ATG10: variants seen among roughly 807,000 people sequenced by gnomAD.
ATG10 encodes ubiquitin-like-conjugating enzyme ATG10.
ATG10 carries 30 observed loss-of-function variants against 32.1 expected under a neutral mutation model. The observed-to-expected ratio is 0.94, with a 90% CI of 0.70 to 1.27. The LOEUF (loss-of-function observed/expected upper bound fraction) is 1.27. Among genes scored for constraint, ATG10 ranks in the 50% most tolerant of loss-of-function variants. The pLI is 0.00. For missense variants in ATG10, 233 were observed against 262.3 expected, an observed-to-expected ratio of 0.89 and a Z score of 0.77; for synonymous variants, 87 against 91.5, an observed-to-expected ratio of 0.95 and a Z score of 0.28.
intron 3 of ATG10, among the ~76,000 whole-genome samples, chr5:82,127,407 C>T (rs188170882): frequency 4.6e-5 from 7 of 152,196 alleles, no homozygotes; most frequent in African/African-American, 1.2e-4. Flanking sequence ...CCTGCTTCCT[C>T]CTGTGGGCAT....
chr5:82,178,968 A>G (rs1051485942), intron 5 of ATG10, among the ~76,000 whole-genome samples: 1 of 152,152 alleles, frequency 6.6e-6, no homozygotes, highest in Non-Finnish European at 1.5e-5. Context: ...TGCATTTCAT[A>G]CACCTAATCT....
At chr5:82,112,485 A>G (rs1303314769) in intron 3 of ATG10, among the ~76,000 whole-genome samples, 1 of 151,874 alleles carries the variant, frequency 6.6e-6, no homozygotes, top group African/African-American at 2.4e-5. Context: ...TATTTTGTAT[A>G]TCTCATAAAT....
chr5:82,226,098 A>G (rs1163397141), intron 5 of ATG10, among the ~76,000 whole-genome samples: 1 of 152,200 alleles, frequency 6.6e-6, no homozygotes, highest in Admixed American at 6.5e-5. Flanking sequence ...TGGTTTTTAT[A>G]ACAGGCAGTT....
At chr5:82,095,105 A>G (rs1415088272) in intron 3 of ATG10, among the ~76,000 whole-genome samples, 1 of 152,162 alleles carries the variant, frequency 6.6e-6, no homozygotes, top group Non-Finnish European at 1.5e-5. Context: ...CTACATTTTT[A>G]AAATGAAGAT....
chr5:81,973,795 G>A (rs527529070), intron 1 of ATG10, among the ~76,000 whole-genome samples: 4 of 152,248 alleles, frequency 2.6e-5, no homozygotes, highest in African/African-American at 9.6e-5. Context: ...TGAGTATTGA[G>A]AAATTAAAAT....
At chr5:82,062,139 A>G (rs1442038007) in intron 3 of ATG10, among the ~76,000 whole-genome samples, 2 of 152,104 alleles carry the variant, frequency 1.3e-5, no homozygotes, top group African/African-American at 4.8e-5. Context: ...CTGAATTCTA[A>G]AAGAGTTTAT....
At chr5:82,247,207 A>G (rs1162514893) in intron 5 of ATG10, among the ~76,000 whole-genome samples, 1 of 152,158 alleles carries the variant, frequency 6.6e-6, no homozygotes, top group African/African-American at 2.4e-5. Context: ...ATTTTTAGCC[A>G]ATATTTCTTC....
At chr5:82,184,904 T>C (rs973649916) in intron 5 of ATG10, among the ~76,000 whole-genome samples, 2 of 152,354 alleles carry the variant, frequency 1.3e-5, no homozygotes, top group African/African-American at 4.8e-5. Context: ...ATCAGGTGGC[T>C]GTCTGCAGTC....
chr5:82,010,207 G>A (rs1762092081), intron 2 of ATG10: 1 of 834,306 alleles, frequency 1.2e-6, no homozygotes. Context: ...TTCTGATTAT[G>A]AATATCTGTA....
chr5:82,110,964 G>A (rs1477869458), intron 3 of ATG10, among the ~76,000 whole-genome samples: 1 of 151,868 alleles, frequency 6.6e-6, no homozygotes, highest in African/African-American at 2.4e-5. Context: ...TAGTAGATAT[G>A]GTAGAAGATC....
chr5:82,012,190 C>T (rs1428595249), intron 2 of ATG10, among the ~76,000 whole-genome samples: 1 of 152,142 alleles, frequency 6.6e-6, no homozygotes, highest in Non-Finnish European at 1.5e-5. Flanking sequence ...ACTGTTCTTG[C>T]CTGAATTTCA....
chr5:82,247,708 T>C (rs1747090284), intron 5 of ATG10, among the ~76,000 whole-genome samples: 2 of 152,214 alleles, frequency 1.3e-5, no homozygotes, highest in Admixed American at 1.3e-4. Flanking sequence ...GCATGTCACA[T>C]AAATTCCTTT....
At chr5:82,039,643 G>T (rs7704421) in intron 2 of ATG10, among the ~76,000 whole-genome samples, 150,218 of 152,312 alleles carry the variant, frequency 0.99, 74,102 homozygotes, top group Middle Eastern at 1. Context: ...TTAGTGTCTT[G>T]ATTCTATAGA....
chr5:82,052,192 T>G (rs1763450922), intron 2 of ATG10, among the ~76,000 whole-genome samples: 1 of 152,132 alleles, frequency 6.6e-6, no homozygotes, highest in Non-Finnish European at 1.5e-5. Flanking sequence ...CTTAGACCCT[T>G]AGATAACCAC....
At chr5:81,998,965 A>G (rs1340518096) in intron 2 of ATG10, among the ~76,000 whole-genome samples, 2 of 152,178 alleles carry the variant, frequency 1.3e-5, no homozygotes, top group South Asian at 2.1e-4. Flanking sequence ...CATTGACAGT[A>G]TTAGATTGTT....
intron 2 of ATG10, among the ~76,000 whole-genome samples, chr5:82,016,838 G>A (rs1477259848): frequency 6.6e-6 from 1 of 151,918 alleles, no homozygotes; most frequent in Non-Finnish European, 1.5e-5. Flanking sequence ...GTAGGCGCCT[G>A]CCACCACGCC....
At chr5:81,988,111 A>G (rs1761343118) in intron 2 of ATG10, among the ~76,000 whole-genome samples, 1 of 152,146 alleles carries the variant, frequency 6.6e-6, no homozygotes, top group Non-Finnish European at 1.5e-5. Flanking sequence ...ATTAATTGGG[A>G]ATTTCCTATT....
intron 5 of ATG10, among the ~76,000 whole-genome samples, chr5:82,218,991 A>G (rs1025762667): frequency 6.6e-6 from 1 of 152,250 alleles, no homozygotes; most frequent in African/African-American, 2.4e-5. Context: ...GTTTTGAGAC[A>G]TATCAACAGT....
chr5:81,986,190 G>A (rs1160117654), intron 1 of ATG10, among the ~76,000 whole-genome samples: 1 of 152,178 alleles, frequency 6.6e-6, no homozygotes, highest in Non-Finnish European at 1.5e-5. Context: ...GAGCCACCGC[G>A]CCCAGCCCTC....
Sources: allele counts gnomAD v4.1 joint callset (sites outside exome capture counted in the v4.1 genomes callset), GRCh38; gene constraint gnomAD v4.1.1; transcripts MANE v1.5; gene names NCBI Gene and HGNC (gene_info 2026-07-23, HGNC 2026-07-21).